ARNT2: variants seen among roughly 807,000 people sequenced by gnomAD.
ARNT2 encodes the protein aryl hydrocarbon receptor nuclear translocator 2.
ARNT2 carries 36 observed loss-of-function variants against 91.7 expected under a neutral mutation model. The observed-to-expected ratio is 0.39, with a 90% CI of 0.30 to 0.52. The LOEUF is 0.52. ARNT2 is among the 20% of genes least tolerant of loss of function. The probability of loss-of-function intolerance (pLI) is 0.72; values close to 1 mark genes in which losing one functional copy is unlikely to be tolerated. For synonymous variants in ARNT2, 365 were observed against 347.1 expected, an observed-to-expected ratio of 1.05 and a Z score of -0.57; for missense variants, 775 against 939.3, an observed-to-expected ratio of 0.83 and a Z score of 2.29.
intron 3 of ARNT2, 140 bp downstream of exon 3, chr15:80,458,116 T>C (rs1425716235): frequency 4.7e-6 from 4 of 854,652 alleles, no homozygotes; most frequent in Admixed American, 4.8e-5. Context: ...TGTGGCAGTA[T>C]TTGGCCCAGT....
intron 1 of ARNT2, among the ~76,000 whole-genome samples, chr15:80,438,115 G>A (rs938374541): frequency 6.6e-6 from 1 of 152,098 alleles, no homozygotes; most frequent in African/African-American, 2.4e-5. Flanking sequence ...ACAAAAATAG[G>A]TATTGTTCTT....
intron 8 of ARNT2, among the ~76,000 whole-genome samples, chr15:80,521,254 G>A (rs926301272): frequency 6.6e-6 from 1 of 152,072 alleles, no homozygotes; most frequent in Non-Finnish European, 1.5e-5. Flanking sequence ...GACTCCAAGA[G>A]CGTGTTTATG....
Position 80,596,201 on chromosome 15 carries a change from A to T in ARNT2, c.*2503A>T, listed in dbSNP as rs1893372517. 1 of 152,106 alleles carries T rather than the reference A, an allele frequency of 6.6e-6. No individual in the cohort carries two copies. Among genetic ancestry groups the T allele is most frequent in the Non-Finnish European group, 1.5e-5 (1 of 68,044 alleles). The allele number at this position is 152,106 out of a possible 1,614,324, so 9.4% of individuals were successfully genotyped here. ...TCAACAGGGGTCCAGGGTGCAGTGA[A>T]CTCAGTTCTTGGCCCTTGGGTGAGG... On this transcript the variant is annotated 3_prime_UTR_variant, in exon 19 of 19. Coordinates refer to ENST00000303329, the MANE Select transcript of ARNT2 (RefSeq NM_014862.4).
Position 80,552,644 on chromosome 15 carries a change from C to G in ARNT2, c.959C>G (p.Thr320Ser), listed in dbSNP as rs2141456798. The change falls in exon 10 of 19, where the codon ACC becomes AGC. Residue 320 changes from threonine (T) to serine (S), a missense_variant. Around this residue, in one of 5 missense-constraint regions of ARNT2, gnomAD observed 285 missense variants for 327.2 expected, o/e 0.87. Coordinates refer to ENST00000303329, the MANE Select transcript of ARNT2 (RefSeq NM_014862.4). ...TGTGGATTTTCCCCATCCCAGGTGA[C>G]CAGCTCTCCTGTATGCATGGACATG... ...CLVAIGRLQV[T>S]SSPVCMDMNG... 6.2e-7 allele frequency: 1 copy of G among 1,613,850 alleles called. No homozygotes were observed. Among genetic ancestry groups the G allele is most frequent in the South Asian group, 1.1e-5 (1 of 90,976 alleles).
At chr15:80,501,686 C>T (rs145520019) in intron 5 of ARNT2, among the ~76,000 whole-genome samples, 49 of 152,298 alleles carry the variant, frequency 3.2e-4, no homozygotes, top group African/African-American at 9.4e-4. Context: ...CTCTCTGTGC[C>T]GGGAGCCTGC....
intron 5 of ARNT2, among the ~76,000 whole-genome samples, chr15:80,505,700 A>C (rs1041059489): frequency 5.9e-5 from 9 of 152,174 alleles, no homozygotes; most frequent in Non-Finnish European, 1.2e-4. Context: ...TCCAGAGTCT[A>C]TGCTCTTACC....
At position 80,513,929 on chromosome 15, in the gene ARNT2, G is replaced by A; in HGVS notation, c.744G>A (p.Leu248=). ...ICRMRCGNAP[L]DHLPLNRITT... ...ATCTTAGGTGTGGAAATGCTCCTTTGGACCACCTTCCTCTAAACAGAATAA... is the reference window on the plus strand; with the variant it reads ...ATCTTAGGTGTGGAAATGCTCCTTTAGACCACCTTCCTCTAAACAGAATAA... The change falls in exon 7 of 19, where the codon TTG becomes TTA. Residue 248 remains leucine (L), a synonymous_variant. Transcript: ENST00000303329. 1 of 1,613,484 alleles carries A rather than the reference G, an allele frequency of 6.2e-7. No homozygotes were observed. Among genetic ancestry groups the A allele is most frequent in the Non-Finnish European group, 8.5e-7 (1 of 1,179,536 alleles).
intron 17 of ARNT2, among the ~76,000 whole-genome samples, chr15:80,589,945 T>G (rs1893243938): frequency 6.6e-6 from 1 of 152,230 alleles, no homozygotes; most frequent in African/African-American, 2.4e-5. Flanking sequence ...ATAGAATTCC[T>G]TACCAACTAT....
intron 12 of ARNT2, among the ~76,000 whole-genome samples, chr15:80,573,730 G>A (rs540362317): frequency 1.4e-4 from 21 of 152,288 alleles, no homozygotes; most frequent in African/African-American, 4.6e-4. Context: ...TTTAATATGA[G>A]GGTAGAATAA....
intron 1 of ARNT2, chr15:80,444,908 T>C (rs553188691): frequency 6.8e-6 from 1 of 147,936 alleles, no homozygotes; most frequent in South Asian, 2.2e-4. Flanking sequence ...TGTGTATGTA[T>C]GTTGCTGTGA....
At chr15:80,569,438 A>G (rs901548157) in intron 12 of ARNT2, among the ~76,000 whole-genome samples, 2 of 152,108 alleles carry the variant, frequency 1.3e-5, no homozygotes, top group Admixed American at 1.3e-4. Flanking sequence ...ACCGAGGTTT[A>G]TTTTTATACC....
intron 8 of ARNT2, among the ~76,000 whole-genome samples, chr15:80,526,125 A>G (rs2141437500): frequency 6.6e-6 from 1 of 152,340 alleles, no homozygotes; most frequent in African/African-American, 2.4e-5. Flanking sequence ...GTGTATTCTC[A>G]TACATTCCAG....
intron 1 of ARNT2, among the ~76,000 whole-genome samples, chr15:80,429,992 C>A (rs1895986411): frequency 6.6e-6 from 1 of 152,074 alleles, no homozygotes; most frequent in Admixed American, 6.5e-5. Context: ...TCACTGTCAC[C>A]CAGAAATAGC....
chr15:80,533,916 T>C (rs1199405263), intron 8 of ARNT2, among the ~76,000 whole-genome samples: 1 of 152,250 alleles, frequency 6.6e-6, no homozygotes, highest in South Asian at 2.1e-4. Context: ...TCTTTTCACC[T>C]CACTGTGTCT....
intron 14 of ARNT2, 118 bp from the exon 15 acceptor site, chr15:80,576,748 C>A: frequency 9.7e-7 from 1 of 1,029,970 alleles, no homozygotes. Flanking sequence ...AGGCGGGCTG[C>A]CCTGACTTGT....
chr15:80,421,445 G>A (rs1271027270), intron 1 of ARNT2, among the ~76,000 whole-genome samples: 3 of 151,624 alleles, frequency 2.0e-5, no homozygotes, highest in Non-Finnish European at 4.4e-5. Context: ...GGGAGGGAAA[G>A]AAAGAAGGAA....
At chr15:80,493,972 A>G (rs1363621226) in intron 5 of ARNT2, among the ~76,000 whole-genome samples, 1 of 152,052 alleles carries the variant, frequency 6.6e-6, no homozygotes, top group Non-Finnish European at 1.5e-5. Context: ...TTTTCTTGCC[A>G]TGTGACACTC....
chr15:80,437,696 G>A (rs976037965), intron 1 of ARNT2, among the ~76,000 whole-genome samples: 4 of 152,070 alleles, frequency 2.6e-5, no homozygotes, highest in African/African-American at 9.7e-5. Context: ...GCCGGCTTCT[G>A]TTCCCCTCCC....
chr15:80,562,178 G>C (rs913042494), intron 11 of ARNT2, among the ~76,000 whole-genome samples: 1 of 151,784 alleles, frequency 6.6e-6, no homozygotes, highest in African/African-American at 2.4e-5. Flanking sequence ...GGATTCAAGC[G>C]ATTCTCATGC....
Sources: gnomAD v4.1 joint callset for allele counts (sites outside exome capture counted in the v4.1 genomes callset) on GRCh38, gnomAD v4.1.1 for gene constraint, gnomAD v4.1.1 regional missense constraint, MANE v1.5 for transcripts, NCBI Gene and HGNC (gene_info 2026-07-23, HGNC 2026-07-21) for gene names.